SUSD1: variants seen among roughly 807,000 people sequenced by gnomAD.
SUSD1 encodes the protein sushi domain containing 1, also known as sushi domain-containing protein 1.
A neutral mutation model predicts 86.9 loss-of-function variants in SUSD1; 65 were observed. The ratio of observed to expected loss-of-function variants is 0.75; its 90% CI spans 0.61 to 0.92. The LOEUF (loss-of-function observed/expected upper bound fraction) is 0.92, where lower values mean the gene tolerates loss of function less well. Among genes scored for constraint, SUSD1 ranks in the 40% least tolerant of loss-of-function variants. SUSD1 has a pLI of 0.00. For missense variants in SUSD1, 850 were observed against 929.7 expected (o/e 0.91, Z 1.11); for synonymous variants, 346 against 350.0 (o/e 0.99, Z 0.13).
chr9:112,061,657 T>C (rs1828731234), intron 13 of SUSD1, among the ~76,000 whole-genome samples: 1 of 152,218 alleles, frequency 6.6e-6, no homozygotes, highest in South Asian at 2.1e-4. Context: ...TTGTCAAGAA[T>C]CAGAACAATT....
intron 8 of SUSD1, chr9:112,104,920 A>G (rs1830775190): frequency 6.6e-6 from 1 of 152,254 alleles, no homozygotes; most frequent in Non-Finnish European, 1.5e-5. Context: ...GAATGAGCAT[A>G]TTTATAAAAA....
intron 5 of SUSD1, among the ~76,000 whole-genome samples, chr9:112,129,458 G>A (rs139310562): frequency 9.9e-5 from 15 of 152,152 alleles, no homozygotes; most frequent in Middle Eastern, 3.4e-3. Flanking sequence ...GACCTCACAC[G>A]TGCACAACCA....
intron 10 of SUSD1, among the ~76,000 whole-genome samples, chr9:112,084,627 C>T (rs930422124): frequency 6.6e-6 from 1 of 152,112 alleles, no homozygotes; most frequent in Non-Finnish European, 1.5e-5. Flanking sequence ...CAGCCACAGG[C>T]AGGTTGAACC....
intron 14 of SUSD1, among the ~76,000 whole-genome samples, chr9:112,055,180 C>T (rs1828393363): frequency 6.6e-6 from 1 of 152,186 alleles, no homozygotes; most frequent in South Asian, 2.1e-4. Context: ...AATCCCAGCA[C>T]TTTGGGAAGC....
intron 15 of SUSD1, among the ~76,000 whole-genome samples, chr9:112,048,945 G>T (rs1828073184): frequency 6.6e-6 from 1 of 152,166 alleles, no homozygotes; most frequent in African/African-American, 2.4e-5. Flanking sequence ...AATTAGAAGG[G>T]TATGTTTGTG....
chr9:112,042,194 G>A (rs1024059651), intron 15 of SUSD1: 3 of 1,531,940 alleles, frequency 2.0e-6, no homozygotes, highest in Non-Finnish European at 2.6e-6. Context: ...GCCAGACCAT[G>A]TTAAAGTTAC....
chr9:112,114,453 A>T (rs950377885), intron 6 of SUSD1, among the ~76,000 whole-genome samples: 1 of 152,264 alleles, frequency 6.6e-6, no homozygotes, highest in East Asian at 1.9e-4. Context: ...ACTGCACTCC[A>T]GCCTGGGTGA....
At chr9:112,173,155 T>A (rs1392837154) in intron 1 of SUSD1, among the ~76,000 whole-genome samples, 2 of 152,176 alleles carry the variant, frequency 1.3e-5, no homozygotes, top group Non-Finnish European at 2.9e-5. Context: ...ATGCGCACTG[T>A]TCTCGGAGAT....
At position 112,088,073 on chromosome 9, in the gene SUSD1, CT is replaced by C. The variant is rs1212635688; in HGVS notation, c.1475-7909del. Among the ~76,000 whole-genome samples the C allele has an allele frequency of 4.6e-5, 7 of 152,322 alleles. No individual in the cohort carries two copies. In the East Asian group the frequency reaches 1.3e-3, roughly 29 times the overall value. Reference sequence around the variant, plus strand: ...AAGCAAGGCAAGAAAAGAACTGAATCTTTTTAAGACACTCAAACCAAGAAAG... The same window carrying C: ...AAGCAAGGCAAGAAAAGAACTGAATCTTTTAAGACACTCAAACCAAGAAAG... On this transcript the variant is annotated intron_variant, in intron 10 of 16. Coordinates refer to ENST00000374270, the MANE Select transcript of SUSD1 (RefSeq NM_022486.5).
chr9:112,045,823 G>A (rs1417647205), intron 15 of SUSD1, among the ~76,000 whole-genome samples: 1 of 152,170 alleles, frequency 6.6e-6, no homozygotes, highest in Non-Finnish European at 1.5e-5. Flanking sequence ...TGTGAAAATT[G>A]TATGAACCTG....
intron 5 of SUSD1, chr9:112,137,659 A>G (rs1832323662): frequency 6.6e-6 from 1 of 152,208 alleles, no homozygotes. Context: ...GCAAGTCAGA[A>G]TATCAAAATG....
intron 13 of SUSD1, among the ~76,000 whole-genome samples, chr9:112,060,262 C>T (rs971909258): frequency 3.9e-5 from 6 of 151,954 alleles, no homozygotes; most frequent in African/African-American, 1.2e-4. Flanking sequence ...GATTTTCTTT[C>T]TTTTCTTTTC....
chr9:112,142,212 T>C, intron 5 of SUSD1, 108 bp downstream of exon 5: 1 of 908,616 alleles, frequency 1.1e-6, no homozygotes, highest in East Asian at 2.8e-5. Flanking sequence ...ATAGGAATTT[T>C]AAAGGTTTAC....
chr9:112,042,188 G>A, intron 15 of SUSD1: 1 of 1,535,144 alleles, frequency 6.5e-7, no homozygotes, highest in South Asian at 1.2e-5. Flanking sequence ...TGTAAAGCCA[G>A]ACCATGTTAA....
At position 112,072,208 on chromosome 9, in the gene SUSD1, T is replaced by A. The variant is rs577349294; in HGVS notation, c.1753+6330A>T. 2.0e-5 allele frequency among the ~76,000 whole-genome samples: 3 copies of A among 147,178 alleles called. No individual in the cohort carries two copies. The East Asian group carries it at 6.1e-4, about 30-fold the overall frequency. On this transcript the variant is annotated intron_variant, in intron 12 of 16. Coordinates refer to ENST00000374270, the MANE Select transcript of SUSD1 (RefSeq NM_022486.5). ...CTCTGTTGTCTAGGCTGGACTGCAG[T>A]GGCACAATCTCAGCTCACTGCAACT...
At chr9:112,062,512 T>C (rs1332627238) in intron 13 of SUSD1, among the ~76,000 whole-genome samples, 1 of 152,010 alleles carries the variant, frequency 6.6e-6, no homozygotes, top group Non-Finnish European at 1.5e-5. Context: ...CTGACCAACA[T>C]GGCAAAACCT....
chr9:112,172,030 T>C (rs781122721), intron 1 of SUSD1, among the ~76,000 whole-genome samples: 2 of 151,992 alleles, frequency 1.3e-5, no homozygotes, highest in African/African-American at 2.4e-5. Flanking sequence ...ACCCCATCTC[T>C]ACTAAAAATA....
At chr9:112,069,857 T>C (rs893910422) in intron 12 of SUSD1, among the ~76,000 whole-genome samples, 8 of 151,876 alleles carry the variant, frequency 5.3e-5, no homozygotes, top group Non-Finnish European at 1.0e-4. Flanking sequence ...TTGGTCCAGG[T>C]GATGTCACTC....
intron 10 of SUSD1, among the ~76,000 whole-genome samples, chr9:112,089,811 CAA>C (rs3983407): frequency 6.0e-5 from 7 of 115,946 alleles, no homozygotes; most frequent in Middle Eastern, 4.0e-3. Flanking sequence ...GATTCCATCT[CAA>C]AAAAAAAAAA....
Sources: gnomAD v4.1 joint callset for allele counts (sites outside exome capture counted in the v4.1 genomes callset) on GRCh38, gnomAD v4.1.1 for gene constraint, MANE v1.5 for transcripts, NCBI Gene and HGNC (gene_info 2026-07-23, HGNC 2026-07-21) for gene names.